The following CSMD3 variants were observed in gnomAD, a reference collection of about 807,000 sequenced individuals.
The protein encoded by CSMD3 is CUB and Sushi multiple domains 3.
CSMD3 carries 177 observed loss-of-function variants against 435.2 expected under a neutral mutation model. The ratio of observed to expected loss-of-function variants is 0.41; its 90% CI spans 0.36 to 0.46. The LOEUF (loss-of-function observed/expected upper bound fraction) is 0.46, where lower values mean the gene tolerates loss of function less well. Among genes scored for constraint, CSMD3 ranks in the 20% least tolerant of loss-of-function variants. The pLI is 0.34. For missense variants in CSMD3, 4,265 were observed against 4,504.6 expected, an observed-to-expected ratio of 0.95 and a Z score of 1.52; for synonymous variants, 1,656 against 1,520.5, an observed-to-expected ratio of 1.09 and a Z score of -2.07.
chr8:112,991,166 T>C (rs1247088418), intron 6 of CSMD3, among the ~76,000 whole-genome samples: 1 of 151,696 alleles, frequency 6.6e-6, no homozygotes, highest in African/African-American at 2.4e-5. Flanking sequence ...TGTAGAATTG[T>C]TTGCTGAATT....
At chr8:112,732,824 T>G (rs1443264114) in intron 13 of CSMD3, among the ~76,000 whole-genome samples, 2 of 152,094 alleles carry the variant, frequency 1.3e-5, no homozygotes, top group African/African-American at 2.4e-5. Flanking sequence ...CACTTGACAG[T>G]AAAACTTAAT....
chr8:112,794,766 G>GA (rs959145904), intron 13 of CSMD3, among the ~76,000 whole-genome samples: 1 of 151,814 alleles, frequency 6.6e-6, no homozygotes, highest in African/African-American at 2.4e-5. Flanking sequence ...GAGAGAAAGA[G>GA]AAAAAAATTA....
chr8:112,726,015 C>T (rs753472721), intron 13 of CSMD3, among the ~76,000 whole-genome samples: 166 of 151,882 alleles, frequency 1.1e-3, no homozygotes, highest in Middle Eastern at 3.4e-3. Context: ...ACAATTATGG[C>T]GGAAGGCAAA....
intron 22 of CSMD3, among the ~76,000 whole-genome samples, chr8:112,630,252 A>G (rs1381808756): frequency 6.6e-6 from 1 of 152,172 alleles, no homozygotes; most frequent in African/African-American, 2.4e-5. Flanking sequence ...ATAAAAATCT[A>G]ATATAATTAG....
At chr8:113,153,162 G>GGAAGGAAGGAAGGAAT in intron 4 of CSMD3, among the ~76,000 whole-genome samples, 1 of 137,836 alleles carries the variant, frequency 7.3e-6, no homozygotes, top group Admixed American at 7.4e-5. Flanking sequence ...AAGGAAGGAA[G>GGAAGGAAGGAAGGAAT]GAAGGAAGGA....
intron 32 of CSMD3, among the ~76,000 whole-genome samples, chr8:112,425,248 A>G (rs1812949491): frequency 1.3e-5 from 2 of 152,200 alleles, no homozygotes; most frequent in African/African-American, 4.8e-5. Context: ...GTGGCTAACT[A>G]ATGTTTTGAA....
chr8:113,153,429 C>A (rs773579917), intron 4 of CSMD3, among the ~76,000 whole-genome samples: 9 of 151,932 alleles, frequency 5.9e-5, no homozygotes, highest in Non-Finnish European at 8.8e-5. Context: ...ACAATGATTG[C>A]TTTGGAGTAG....
chr8:113,108,052 A>C (rs2090533006), intron 4 of CSMD3, among the ~76,000 whole-genome samples: 1 of 152,214 alleles, frequency 6.6e-6, no homozygotes, highest in South Asian at 2.1e-4. Context: ...ATCACAGTTC[A>C]AAAACATAGG....
chr8:112,816,757 A>G (rs992179379), intron 12 of CSMD3, among the ~76,000 whole-genome samples: 11 of 151,954 alleles, frequency 7.2e-5, no homozygotes, highest in Admixed American at 2.0e-4. Context: ...CTAACAGAAA[A>G]CAGAACTATC....
chr8:113,102,892 T>C lies in CSMD3; in HGVS notation c.710-3929A>G, dbSNP rs146371487. ...TGTTTTTAGTGGGGATGTGACATAA[T>C]TGGATTTAGGTTATCAAAAGATCAT... On this transcript the variant is annotated intron_variant, in intron 4 of 70. Transcript: ENST00000297405. Among the ~76,000 whole-genome samples, 95 of 152,194 alleles carry C rather than the reference T, an allele frequency of 6.2e-4. 2 individuals carry two copies. In the East Asian group the frequency reaches 0.011, roughly 17 times the overall value.
At chr8:112,692,837 T>C (rs2076165403) in intron 13 of CSMD3, among the ~76,000 whole-genome samples, 3 of 152,156 alleles carry the variant, frequency 2.0e-5, no homozygotes, top group African/African-American at 7.2e-5. Flanking sequence ...TGACAGTATA[T>C]TATTATAATT....
intron 2 of CSMD3, chr8:113,309,440 G>A (rs1339356902): frequency 1.3e-5 from 2 of 151,976 alleles, no homozygotes; most frequent in Non-Finnish European, 2.9e-5. Flanking sequence ...ATGTCCATGA[G>A]TACCCAATGT....
intron 41 of CSMD3, among the ~76,000 whole-genome samples, chr8:112,345,587 G>A (rs1825588209): frequency 6.6e-6 from 1 of 151,876 alleles, no homozygotes; most frequent in Admixed American, 6.6e-5. Flanking sequence ...TAAGAGAGAA[G>A]GATTAAGAAA....
intron 22 of CSMD3, among the ~76,000 whole-genome samples, chr8:112,597,616 C>G (rs1281605089): frequency 8.4e-6 from 1 of 119,260 alleles, no homozygotes; most frequent in Non-Finnish European, 1.7e-5. Flanking sequence ...CAAAAATCCT[C>G]AATAAAATAC....
chr8:112,735,637 G>A (rs1334242597), intron 13 of CSMD3, among the ~76,000 whole-genome samples: 1 of 151,964 alleles, frequency 6.6e-6, no homozygotes. Context: ...GATCCCTGCA[G>A]CTTGCTAAAA....
intron 63 of CSMD3, among the ~76,000 whole-genome samples, chr8:112,248,711 ACT>A (rs912251524): frequency 6.6e-6 from 1 of 152,064 alleles, no homozygotes; most frequent in African/African-American, 2.4e-5. Context: ...GAAACTTCAG[ACT>A]CTGAATTCCA....
At chr8:113,400,581 AG>A (rs35975009) in intron 1 of CSMD3, among the ~76,000 whole-genome samples, 4 of 151,896 alleles carry the variant, frequency 2.6e-5, no homozygotes, top group African/African-American at 9.7e-5. Flanking sequence ...TTTCAGCTAC[AG>A]GGGGAAAAAA....
At chr8:112,388,536 G>T (rs1028458392) in intron 36 of CSMD3, among the ~76,000 whole-genome samples, 5 of 152,228 alleles carry the variant, frequency 3.3e-5, no homozygotes, top group Middle Eastern at 3.4e-3. Context: ...TAATGGATGA[G>T]GAAGTTGTTC....
chr8:112,946,805 T>C (rs1269890003), intron 9 of CSMD3, among the ~76,000 whole-genome samples: 2 of 151,710 alleles, frequency 1.3e-5, no homozygotes, highest in African/African-American at 4.8e-5. Context: ...TTTAGAAAAT[T>C]ACAATTGTGT....
Sources: gnomAD v4.1 joint callset for allele counts (sites outside exome capture counted in the v4.1 genomes callset) on GRCh38, gnomAD v4.1.1 for gene constraint, MANE v1.5 for transcripts, NCBI Gene and HGNC (gene_info 2026-07-23, HGNC 2026-07-21) for gene names.